Variants in SCN11A observed in about 807,000 individuals in gnomAD.
The protein encoded by SCN11A is sodium voltage-gated channel alpha subunit 11.
Under a neutral mutation model 162.2 loss-of-function variants are expected in SCN11A, and 122 were observed. The ratio of observed to expected loss-of-function variants is 0.75; its 90% CI spans 0.65 to 0.87. SCN11A has a LOEUF of 0.87. Among genes scored for constraint, SCN11A ranks in the 40% least tolerant of loss-of-function variants. The pLI, the probability that SCN11A is intolerant of heterozygous loss-of-function variation, is 0.00. For synonymous variants in SCN11A, 758 were observed against 751.5 expected (o/e 1.01, Z -0.14); for missense variants, 2,015 against 2,181.6 (o/e 0.92, Z 1.52).
In SCN11A at chr3:38,917,215, G is replaced by A. The variant is rs1023620112; in HGVS notation, c.959+2720C>T. Among the ~76,000 whole-genome samples the A allele has an allele frequency of 2.6e-5, 4 of 152,338 alleles. No individual in the cohort carries two copies. The South Asian group carries it at 8.3e-4, about 32-fold the overall frequency. ...AAAAAGGAACATTTATCCACCGTTG[G>A]TGGGAGTGTAAATTAGTTCAACCAT... is the stretch of plus-strand genomic sequence containing the variant. On this transcript the variant is annotated intron_variant, in intron 11 of 29. Coordinates refer to ENST00000302328, the MANE Select transcript of SCN11A (RefSeq NM_001349253.2).
At chr3:38,850,285 G>A (rs756623354) in intron 29 of SCN11A, 196 bp downstream of exon 29, 22 of 574,756 alleles carry the variant, frequency 3.8e-5, no homozygotes, top group Non-Finnish European at 5.5e-5. Flanking sequence ...AGTGAGTTAA[G>A]GGAACAGAAA....
intron 1 of SCN11A, among the ~76,000 whole-genome samples, chr3:39,036,245 GA>G (rs1157721651): frequency 6.6e-6 from 1 of 152,118 alleles, no homozygotes; most frequent in Non-Finnish European, 1.5e-5. Context: ...CCAGGTTCAA[GA>G]GATTCTCACG....
At chr3:38,982,689 G>A (rs563186862) in intron 2 of SCN11A, among the ~76,000 whole-genome samples, 1 of 152,314 alleles carries the variant, frequency 6.6e-6, no homozygotes, top group East Asian at 1.9e-4. Context: ...GCAGCATATA[G>A]TTAGTTAAAA....
At chr3:39,038,294 C>T (rs2031958427) in intron 1 of SCN11A, among the ~76,000 whole-genome samples, 1 of 152,174 alleles carries the variant, frequency 6.6e-6, no homozygotes, top group African/African-American at 2.4e-5. Flanking sequence ...TCTGATTAGT[C>T]AAGCTGAGGT....
chr3:38,926,217 T>G (rs2066138119), intron 8 of SCN11A, among the ~76,000 whole-genome samples: 1 of 152,202 alleles, frequency 6.6e-6, no homozygotes, highest in African/African-American at 2.4e-5. Flanking sequence ...ACCTTCACCT[T>G]ACACCATACA....
chr3:38,968,848 A>G (rs535989635), intron 2 of SCN11A, among the ~76,000 whole-genome samples: 1 of 152,346 alleles, frequency 6.6e-6, no homozygotes, highest in African/African-American at 2.4e-5. Flanking sequence ...GTTTTCATGT[A>G]TTTAAATGAT....
Position 38,872,310 on chromosome 3 carries a change from G to A in SCN11A, c.3394-16C>T, listed in dbSNP as rs760826692. On this transcript the variant is annotated splice_polypyrimidine_tract_variant and intron_variant, in intron 23 of 29. Coordinates refer to ENST00000302328, the MANE Select transcript of SCN11A (RefSeq NM_001349253.2). Reference sequence around the variant, plus strand: ...TCACAGAGACCTGATGGGAAGAGAGGCCACAGATAATGTACCTGACTTGGT... The same window carrying A: ...TCACAGAGACCTGATGGGAAGAGAGACCACAGATAATGTACCTGACTTGGT... The A allele has an allele frequency of 3.6e-6, 5 of 1,379,986 alleles. No individual in the cohort carries two copies. In the Admixed American group the frequency reaches 6.7e-5, roughly 19 times the overall value. The allele number at this position is 1,379,986 out of a possible 1,614,324, so 85.5% of individuals were successfully genotyped here. A position where few individuals can be genotyped will look rare whatever the true frequency, so the allele number is the denominator to read the frequency against.
At chr3:38,902,399 A>T (rs1443152643) in intron 16 of SCN11A, among the ~76,000 whole-genome samples, 1 of 152,184 alleles carries the variant, frequency 6.6e-6, no homozygotes, top group African/African-American at 2.4e-5. Context: ...TTTATGTGCT[A>T]TGTGCAGACT....
At chr3:38,904,829 G>A (rs1257922678) in intron 15 of SCN11A, among the ~76,000 whole-genome samples, 2 of 152,084 alleles carry the variant, frequency 1.3e-5, no homozygotes, top group Non-Finnish European at 1.5e-5. Context: ...GCCACCTCCT[G>A]GAGACTTCAA....
chr3:38,934,310 C>A (rs2066293375), intron 7 of SCN11A, among the ~76,000 whole-genome samples: 1 of 152,188 alleles, frequency 6.6e-6, no homozygotes, highest in Admixed American at 6.5e-5. Flanking sequence ...GAAGAAACTG[C>A]ATCAACTAAT....
rs1164122438 is a variant in SCN11A at position 38,899,906 on chromosome 3, A to G, written c.2010T>C (p.Arg670=). 2 of 1,613,844 alleles carry G rather than the reference A, an allele frequency of 1.2e-6. No homozygotes were observed. The highest frequency in any genetic ancestry group is 8.5e-7 in the Non-Finnish European group (1 of 1,179,798). ...VLQKRSWPFL[R]SFRVLRVFKL... is the part of the protein sequence containing the mutation. ...GAAAGTGCCTTACCACTCTGAAGGA[A>G]CGCAAGAATGGCCAGCTTCTCTTTT... Residue 670 remains arginine (R), a synonymous_variant, in exon 17 of 30, where the codon CGT becomes CGC. Transcript: ENST00000302328.
chr3:38,881,714 GCAAA>G (rs35547754), intron 22 of SCN11A, among the ~76,000 whole-genome samples: 30,636 of 151,960 alleles, frequency 0.2, 3,420 homozygotes, highest in Non-Finnish European at 0.25. Context: ...ACATATAGTG[GCAAA>G]CAACTTGATG....
At chr3:38,948,140 G>A (rs2066546457) in intron 5 of SCN11A, among the ~76,000 whole-genome samples, 1 of 152,148 alleles carries the variant, frequency 6.6e-6, no homozygotes, top group East Asian at 1.9e-4. Context: ...ATGAGCCACG[G>A]GGTTTTTTAA....
chr3:38,933,748 T>A (rs1349485001), intron 7 of SCN11A, among the ~76,000 whole-genome samples: 1 of 152,164 alleles, frequency 6.6e-6, no homozygotes, highest in Non-Finnish European at 1.5e-5. Flanking sequence ...CTACGTCTGA[T>A]TGGTGTACCT....
intron 2 of SCN11A, among the ~76,000 whole-genome samples, chr3:39,011,360 TA>T (rs2031128522): frequency 6.6e-6 from 1 of 152,192 alleles, no homozygotes; most frequent in African/African-American, 2.4e-5. Context: ...AGGCTTTGCC[TA>T]AAAACTTGGG....
chr3:38,879,059 CAT>C (rs1272663330), intron 23 of SCN11A, among the ~76,000 whole-genome samples: 2 of 152,078 alleles, frequency 1.3e-5, no homozygotes, highest in Non-Finnish European at 2.9e-5. Flanking sequence ...TATCAGTAAA[CAT>C]AAAATTAATC....
chr3:38,845,797 TTATATATA>T lies in SCN11A; in HGVS notation c.*889_*896del, dbSNP rs10594301. On this transcript the variant is annotated 3_prime_UTR_variant, in exon 30 of 30. Coordinates refer to ENST00000302328, the MANE Select transcript of SCN11A (RefSeq NM_001349253.2). ...ACACAAACAGAAAGCTTTATTGAATTTATATATATATATATATCTGAGATGGTAGCTTG... is the reference window on the plus strand; with the variant it reads ...ACACAAACAGAAAGCTTTATTGAATTTATATATATCTGAGATGGTAGCTTG... The T allele has an allele frequency of 6.6e-6, 1 of 150,734 alleles. No individual in the cohort carries two copies. The highest frequency in any genetic ancestry group is 2.0e-4 in the East Asian group (1 of 5,104). 9.3% of individuals were successfully genotyped at this position (150,734 alleles called of 1,614,324 possible).
intron 2 of SCN11A, among the ~76,000 whole-genome samples, chr3:38,973,733 G>GC (rs2066831132): frequency 6.6e-6 from 1 of 152,208 alleles, no homozygotes; most frequent in Non-Finnish European, 1.5e-5. Flanking sequence ...AAGGATCTGT[G>GC]CCCCACCCTG....
At chr3:39,041,368 T>C (rs1173727990) in intron 1 of SCN11A, among the ~76,000 whole-genome samples, 1 of 152,086 alleles carries the variant, frequency 6.6e-6, no homozygotes, top group Non-Finnish European at 1.5e-5. Context: ...TCTTCAAATA[T>C]AGTCAACCCA....
Sources: allele counts gnomAD v4.1 joint callset (sites outside exome capture counted in the v4.1 genomes callset), GRCh38; gene constraint gnomAD v4.1.1; transcripts MANE v1.5; gene names NCBI Gene and HGNC (gene_info 2026-07-23, HGNC 2026-07-21).